HCK: variants seen among roughly 807,000 people sequenced by gnomAD.
HCK encodes tyrosine-protein kinase HCK.
A neutral mutation model predicts 70.4 loss-of-function variants in HCK; 40 were observed. The ratio of observed to expected loss-of-function variants is 0.57; its 90% CI spans 0.44 to 0.74. The LOEUF is 0.74. Among genes scored for constraint, HCK ranks in the 30% least tolerant of loss-of-function variants. The pLI is 0.00. For synonymous variants in HCK, 245 were observed against 263.2 expected, an observed-to-expected ratio of 0.93 and a Z score of 0.67; for missense variants, 568 against 697.2, an observed-to-expected ratio of 0.81 and a Z score of 2.09.
At chr20:32,084,887 G>A (rs1196562772) in intron 8 of HCK, among the ~76,000 whole-genome samples, 1 of 152,210 alleles carries the variant, frequency 6.6e-6, no homozygotes, top group Non-Finnish European at 1.5e-5. Flanking sequence ...TAAGAATGGG[G>A]AAATGCAGCT....
intron 5 of HCK, among the ~76,000 whole-genome samples, chr20:32,075,890 A>G (rs1600723051): frequency 6.6e-6 from 1 of 152,186 alleles, no homozygotes. Flanking sequence ...CCCATTAAAA[A>G]CCAGCCAATC....
chr20:32,066,271 T>C (rs1420508406), intron 1 of HCK, among the ~76,000 whole-genome samples: 1 of 149,874 alleles, frequency 6.7e-6, no homozygotes, highest in African/African-American at 2.4e-5. Context: ...CAAATCACAG[T>C]TGAAGAAATT....
At position 32,052,371 on chromosome 20, in the gene HCK, T is replaced by C. The variant is rs1012638681; in HGVS notation, c.-54T>C. On this transcript the variant is annotated 5_prime_UTR_variant, in exon 1 of 13. Coordinates refer to ENST00000375852, the MANE Select transcript of HCK (RefSeq NM_002110.5). ...TCAGAGCGTCGCCCCCGCCTCTAGT[T>C]CTAGAAAGTCAGTTTCCCGGCACTG... is the stretch of plus-strand genomic sequence containing the variant. The C allele has an allele frequency of 3.2e-6, 4 of 1,244,200 alleles. No homozygotes were observed. The highest frequency in any genetic ancestry group is 3.1e-5 in the African/African-American group (2 of 63,838). 77.1% of individuals were successfully genotyped at this position (1,244,200 alleles called of 1,614,324 possible). A position where few individuals can be genotyped will look rare whatever the true frequency, so the allele number is the denominator to read the frequency against.
At chr20:32,074,823 A>T in intron 5 of HCK, 102 bp downstream of exon 5, 1 of 768,442 alleles carries the variant, frequency 1.3e-6, no homozygotes, top group Non-Finnish European at 2.3e-6. Flanking sequence ...CCTGGCACAT[A>T]CTCTTCCCAG....
chr20:32,094,073 A>G, intron 11 of HCK, 57 bp downstream of exon 11: 1 of 1,537,454 alleles, frequency 6.5e-7, no homozygotes, highest in Non-Finnish European at 8.9e-7. Flanking sequence ...GTGAGTGTTG[A>G]GAGTTGATAC....
chr20:32,073,690 C>T (rs1228274035), intron 3 of HCK, 26 bp from the exon 4 acceptor site: 1 of 1,504,272 alleles, frequency 6.6e-7, no homozygotes, highest in Non-Finnish European at 9.1e-7. Context: ...GACGAAACCT[C>T]ACCCTCTGTG....
At chr20:32,096,214 T>G (rs532740587) in intron 11 of HCK, among the ~76,000 whole-genome samples, 2 of 150,458 alleles carry the variant, frequency 1.3e-5, no homozygotes, top group East Asian at 4.1e-4. Context: ...AAGAGACGGG[T>G]GCGGCCGGGC....
At chr20:32,063,913 C>T (rs1465430956) in intron 1 of HCK, among the ~76,000 whole-genome samples, 2 of 149,962 alleles carry the variant, frequency 1.3e-5, no homozygotes, top group Non-Finnish European at 3.0e-5. Flanking sequence ...TGCCTTGCTG[C>T]TGCAGGCCTT....
chr20:32,054,656 A>C (rs1185660576), intron 1 of HCK, among the ~76,000 whole-genome samples: 1 of 151,824 alleles, frequency 6.6e-6, no homozygotes, highest in African/African-American at 2.4e-5. Flanking sequence ...AATACAAAAA[A>C]TTAGCCGGGC....
chr20:32,093,894 G>T lies in HCK; in HGVS notation c.1124G>T (p.Arg375Met). The T allele has an allele frequency of 6.2e-7, 1 of 1,613,816 alleles. No individual in the cohort carries two copies. The highest frequency in any genetic ancestry group is 8.5e-7 in the Non-Finnish European group (1 of 1,179,890). The stretch of plus-strand genomic sequence containing the variant: ...GAAGGCATGGCCTTCATCGAGCAGA[G>T]GAACTACATCCACCGAGACCTCCGA... The change falls in exon 11 of 13, where the codon AGG becomes ATG. Residue 375 changes from arginine to methionine, a missense_variant. Transcript: ENST00000375852.
chr20:32,057,122 A>T (rs1424364136), intron 1 of HCK, among the ~76,000 whole-genome samples: 3 of 152,250 alleles, frequency 2.0e-5, no homozygotes, highest in Non-Finnish European at 4.4e-5. Context: ...CCACGACTCC[A>T]GTGCTCTTCA....
intron 1 of HCK, among the ~76,000 whole-genome samples, chr20:32,064,468 C>A (rs1006665110): frequency 6.6e-6 from 1 of 152,200 alleles, no homozygotes; most frequent in African/African-American, 2.4e-5. Flanking sequence ...GGAATGGATT[C>A]TATGCAGGAA....
chr20:32,094,695 AAAAGAAAAGAAAAG>A (rs772827550), intron 11 of HCK, among the ~76,000 whole-genome samples: 6 of 116,792 alleles, frequency 5.1e-5, no homozygotes, highest in Admixed American at 1.9e-4. Flanking sequence ...AAAAGAAAAG[AAAAGAAAAGAAAAG>A]AAAGAAAGAA....
intron 10 of HCK, among the ~76,000 whole-genome samples, chr20:32,093,093 C>T (rs1442106343): frequency 2.0e-5 from 3 of 152,132 alleles, no homozygotes; most frequent in Non-Finnish European, 4.4e-5. Flanking sequence ...TACAGGCGTG[C>T]ACCACCATGC....
intron 2 of HCK, 133 bp downstream of exon 2, chr20:32,071,915 T>C: frequency 1.8e-6 from 2 of 1,102,448 alleles, no homozygotes; most frequent in Non-Finnish European, 2.6e-6. Context: ...CCACCAACAG[T>C]GTCCTGACTC....
intron 1 of HCK, among the ~76,000 whole-genome samples, chr20:32,055,906 T>G (rs950267990): frequency 1.3e-5 from 2 of 152,196 alleles, no homozygotes; most frequent in African/African-American, 4.8e-5. Flanking sequence ...ATATTTAACA[T>G]AAATAGAAGC....
At chr20:32,065,038 C>T (rs942418720) in intron 1 of HCK, among the ~76,000 whole-genome samples, 14 of 152,238 alleles carry the variant, frequency 9.2e-5, no homozygotes, top group African/African-American at 2.7e-4. Context: ...TCCCTAGTCA[C>T]ATAGGACCTC....
chr20:32,062,807 C>A (rs927668838), intron 1 of HCK, among the ~76,000 whole-genome samples: 3 of 152,176 alleles, frequency 2.0e-5, no homozygotes, highest in African/African-American at 7.2e-5. Flanking sequence ...AGTCAGGGAA[C>A]CCGAGGAGAG....
At chr20:32,087,801 C>G (rs902030282) in intron 9 of HCK, among the ~76,000 whole-genome samples, 7 of 152,110 alleles carry the variant, frequency 4.6e-5, no homozygotes, top group Non-Finnish European at 7.4e-5. Context: ...GCCACCATGC[C>G]TGGCCAATTT....
Sources: allele counts gnomAD v4.1 joint callset (sites outside exome capture counted in the v4.1 genomes callset), GRCh38; gene constraint gnomAD v4.1.1; transcripts MANE v1.5; gene names NCBI Gene and HGNC (gene_info 2026-07-23, HGNC 2026-07-21).